Variants in GID8 observed in about 807,000 individuals in gnomAD.
GID8 encodes glucose-induced degradation protein 8 homolog.
Under a neutral mutation model 27.4 loss-of-function variants are expected in GID8, and 6 were observed. The ratio of observed to expected loss-of-function variants is 0.22; its 90% CI spans 0.12 to 0.43. GID8 has a LOEUF of 0.43. Among genes scored for constraint, GID8 ranks in the 20% least tolerant of loss-of-function variants. GID8 has a pLI of 1.00. For missense variants in GID8, 173 were observed against 287.6 expected, an observed-to-expected ratio of 0.60 and a Z score of 2.88; for synonymous variants, 112 against 109.0, an observed-to-expected ratio of 1.03 and a Z score of -0.17.
Position 62,944,793 on chromosome 20 carries a change from C to T in GID8, c.568C>T (p.Pro190Ser). The change falls in exon 5 of 5, where the codon CCC becomes TCC. Residue 190 changes from proline to serine, a missense_variant. Transcript: ENST00000266069. ...VLDYENREST[P>S]KLAKLLKLLL... ...AGATTATGAAAATCGCGAGTCAACACCCAAACTGGCAAAATTACTGAAACT... is the reference window on the plus strand; with the variant it reads ...AGATTATGAAAATCGCGAGTCAACATCCAAACTGGCAAAATTACTGAAACT... 5 of 1,614,184 alleles carry T rather than the reference C, an allele frequency of 3.1e-6. No individual in the cohort carries two copies. Among genetic ancestry groups the T allele is most frequent in the Non-Finnish European group, 4.2e-6 (5 of 1,180,026 alleles).
At position 62,945,689 on chromosome 20, in the gene GID8, T is replaced by C; in HGVS notation, c.*777T>C. ...ATCATCTCAAATGACCTTTTGTCTTTGGGGCGTTCTTCCCCCTGTGATAGC... is the reference window on the plus strand; with the variant it reads ...ATCATCTCAAATGACCTTTTGTCTTCGGGGCGTTCTTCCCCCTGTGATAGC... On this transcript the variant is annotated 3_prime_UTR_variant, in exon 5 of 5. Transcript: ENST00000266069. 1 of 1,186,574 alleles carries C rather than the reference T, an allele frequency of 8.4e-7. No homozygotes were observed. The highest frequency in any genetic ancestry group is 1.1e-6 in the Non-Finnish European group (1 of 938,416). The allele number at this position is 1,186,574 out of a possible 1,614,324, so 73.5% of individuals were successfully genotyped here. A position where few individuals can be genotyped will look rare whatever the true frequency, so the allele number is the denominator to read the frequency against.
Position 62,947,020 on chromosome 20 carries a change from C to A in GID8, c.*2108C>A, listed in dbSNP as rs903641739. 2 of 152,376 alleles carry A rather than the reference C, an allele frequency of 1.3e-5. No individual in the cohort carries two copies. Among genetic ancestry groups the A allele is most frequent in the Admixed American group, 1.3e-4 (2 of 15,310 alleles). 9.4% of individuals were successfully genotyped at this position (152,376 alleles called of 1,614,324 possible). ...AGGGGAACACAAATGGGGTCATTCA[C>A]GTGCCTGGACTGTCACTATGTGGCT... On this transcript the variant is annotated 3_prime_UTR_variant, in exon 5 of 5. Coordinates refer to ENST00000266069, the MANE Select transcript of GID8 (RefSeq NM_017896.3).
In GID8 at chr20:62,943,800, C is replaced by A. The variant is rs2065454146; in HGVS notation, c.513+108C>A. The stretch of plus-strand genomic sequence containing the variant: ...GCTGTGTGGACTGAGAGACAGGTGG[C>A]TTCTGTGCCTGGGATGCTAAGTGGT... On this transcript the variant is annotated intron_variant, in intron 4 of 4. Coordinates refer to ENST00000266069, the MANE Select transcript of GID8 (RefSeq NM_017896.3). This position sits in a 1 kb window ranked among gnomAD's most constrained non-coding sequence, Gnocchi z 4.7. 3 of 770,792 alleles carry A rather than the reference C, an allele frequency of 3.9e-6. No homozygotes were observed. The highest frequency in any genetic ancestry group is 6.4e-6 in the Non-Finnish European group (3 of 466,436). The allele number at this position is 770,792 out of a possible 1,614,324, so 47.7% of individuals were successfully genotyped here.
Position 62,947,807 on chromosome 20 carries a change from G to C in GID8, c.*2895G>C, listed in dbSNP as rs1358333281. The C allele has an allele frequency of 6.6e-6, 1 of 152,256 alleles. No individual in the cohort carries two copies. Among genetic ancestry groups the C allele is most frequent in the Non-Finnish European group, 1.5e-5 (1 of 68,050 alleles). The allele number at this position is 152,256 out of a possible 1,614,324, so 9.4% of individuals were successfully genotyped here. ...CTTCCATTCCGTCAGGACGTGATCT[G>C]AAAACATGTAGAGAAGATGAGTTGA... On this transcript the variant is annotated 3_prime_UTR_variant, in exon 5 of 5. Transcript: ENST00000266069.
At chr20:62,941,132 G>A (rs1226187486) in intron 1 of GID8, among the ~76,000 whole-genome samples, 1 of 152,222 alleles carries the variant, frequency 6.6e-6, no homozygotes, top group East Asian at 1.9e-4. Context: ...CGCTTTGAAC[G>A]GTGCTTCTGT....
intron 1 of GID8, among the ~76,000 whole-genome samples, chr20:62,939,458 A>G (rs539625176): frequency 3.6e-5 from 5 of 139,088 alleles, no homozygotes; most frequent in African/African-American, 1.4e-4. Flanking sequence ...TCATGTTTTC[A>G]GCTCTGAGCT....
intron 1 of GID8, 124 bp from the exon 2 acceptor site, chr20:62,941,367 G>C: frequency 1.6e-6 from 1 of 624,224 alleles, no homozygotes; most frequent in Non-Finnish European, 2.9e-6. Context: ...GGTGTCCCAC[G>C]GCAGCGTTGT....
At chr20:62,939,887 A>G (rs909518024) in intron 1 of GID8, among the ~76,000 whole-genome samples, 2 of 152,320 alleles carry the variant, frequency 1.3e-5, no homozygotes, top group East Asian at 3.9e-4. Context: ...CGTATGTATC[A>G]GTGGCAAAAG....
Position 62,947,438 on chromosome 20 carries a change from C to T in GID8, c.*2526C>T, listed in dbSNP as rs2065471206. On this transcript the variant is annotated 3_prime_UTR_variant, in exon 5 of 5. Transcript: ENST00000266069. ...AATTCTACTTTGTCTCATTTTGGAT[C>T]TCACTGTTGTCTTTATAAAAATGGC... 1 of 152,534 alleles carries T rather than the reference C, an allele frequency of 6.6e-6. No individual in the cohort carries two copies. The allele number at this position is 152,534 out of a possible 1,614,324, so 9.4% of individuals were successfully genotyped here.
In GID8 at chr20:62,938,161, G is replaced by C. The variant is rs1433740900; in HGVS notation, c.-105G>C. The stretch of plus-strand genomic sequence containing the variant: ...CCCACCTCTGCCTCCTTCTACTCGG[G>C]CGCCCCGGCGGCCGCCACCTCTCCC... On this transcript the variant is annotated 5_prime_UTR_variant, in exon 1 of 5. Coordinates refer to ENST00000266069, the MANE Select transcript of GID8 (RefSeq NM_017896.3). 7.6e-6 allele frequency: 2 copies of C among 263,418 alleles called. No homozygotes were observed. The highest frequency in any genetic ancestry group is 7.2e-6 in the Non-Finnish European group (1 of 139,628). 16.3% of individuals were successfully genotyped at this position (263,418 alleles called of 1,614,324 possible).
At chr20:62,941,123 G>A (rs573147640) in intron 1 of GID8, among the ~76,000 whole-genome samples, 2 of 152,362 alleles carry the variant, frequency 1.3e-5, no homozygotes, top group Admixed American at 1.3e-4. Context: ...CATTCCTGCC[G>A]CTTTGAACGG....
chr20:62,946,567 T>C lies in GID8; in HGVS notation c.*1655T>C, dbSNP rs2065467366. ...GTAAGAGATGCAAAGATAAAATTGCTGCGGTTGTTACAGAAGCATGGCGGC... is the reference window on the plus strand; with the variant it reads ...GTAAGAGATGCAAAGATAAAATTGCCGCGGTTGTTACAGAAGCATGGCGGC... On this transcript the variant is annotated 3_prime_UTR_variant, in exon 5 of 5. Coordinates refer to ENST00000266069, the MANE Select transcript of GID8 (RefSeq NM_017896.3). 6.5e-6 allele frequency: 1 copy of C among 152,852 alleles called. No individual in the cohort carries two copies. Among genetic ancestry groups the C allele is most frequent in the Admixed American group, 6.5e-5 (1 of 15,354 alleles). 9.5% of individuals were successfully genotyped at this position (152,852 alleles called of 1,614,324 possible).
rs17421774 is a variant in GID8, at chr20:62,945,295, T to G, written c.*383T>G. ...GCACGAATCATGATTCTGCTTTCTG[T>G]TAGCTTAGGCAGACATTGGGCCTTC... On this transcript the variant is annotated 3_prime_UTR_variant, in exon 5 of 5. Transcript: ENST00000266069. The G allele has an allele frequency of 0.03, 30,224 of 1,007,966 alleles. 479 individuals carry two copies. Among genetic ancestry groups the G allele is most frequent in the African/African-American group, 0.035 (2,017 of 57,854 alleles). The allele number at this position is 1,007,966 out of a possible 1,614,324, so 62.4% of individuals were successfully genotyped here.
At chr20:62,944,685 T>C (rs1238197616) in intron 4 of GID8, 54 bp from the exon 5 acceptor site, 2 of 1,237,952 alleles carry the variant, frequency 1.6e-6, no homozygotes, top group Non-Finnish European at 2.4e-6. Flanking sequence ...TTTAATAGAC[T>C]CTGCTGGTGC....
At chr20:62,941,373 G>A (rs2065442874) in intron 1 of GID8, 118 bp from the exon 2 acceptor site, 2 of 639,718 alleles carry the variant, frequency 3.1e-6, no homozygotes, top group East Asian at 2.8e-5. Context: ...CCACGGCAGC[G>A]TTGTCTTTCC....
At chr20:62,942,128 T>A (rs1175970235) in intron 2 of GID8, among the ~76,000 whole-genome samples, 1 of 152,182 alleles carries the variant, frequency 6.6e-6, no homozygotes, top group Non-Finnish European at 1.5e-5. Context: ...CTCCTGTTAG[T>A]CCCCAGTTCC....
rs555031003 is a variant in GID8 at position 62,946,089 on chromosome 20, C to T, written c.*1177C>T. The stretch of plus-strand genomic sequence containing the variant: ...ACAGATGTGTTTGGATTCATTGCAG[C>T]GGACCACCGGGCACTGTTGACCCCA... On this transcript the variant is annotated 3_prime_UTR_variant, in exon 5 of 5. Coordinates refer to ENST00000266069, the MANE Select transcript of GID8 (RefSeq NM_017896.3). The T allele has an allele frequency of 1.2e-4, 135 of 1,152,342 alleles. No individual in the cohort carries two copies. Among genetic ancestry groups the T allele is most frequent in the African/African-American group, 3.9e-4 (25 of 63,392 alleles). The allele number at this position is 1,152,342 out of a possible 1,614,324, so 71.4% of individuals were successfully genotyped here. A position where few individuals can be genotyped will look rare whatever the true frequency, so the allele number is the denominator to read the frequency against.
Position 62,948,469 on chromosome 20 carries a change from C to T in GID8, c.*3557C>T, listed in dbSNP as rs2065475593. On this transcript the variant is annotated 3_prime_UTR_variant, in exon 5 of 5. Transcript: ENST00000266069. ...TAACAGTAAAAGTTTTCACATTTTT[C>T]TCAGAACTGTTATCTGGAAGCTCTC... 1 of 152,194 alleles carries T rather than the reference C, an allele frequency of 6.6e-6. No homozygotes were observed. Among genetic ancestry groups the T allele is most frequent in the Non-Finnish European group, 1.5e-5 (1 of 68,034 alleles). 9.4% of individuals were successfully genotyped at this position (152,194 alleles called of 1,614,324 possible).
In GID8 at chr20:62,945,020, C is replaced by T. The variant is rs1231849900; in HGVS notation, c.*108C>T. On this transcript the variant is annotated 3_prime_UTR_variant, in exon 5 of 5. Transcript: ENST00000266069. ...ACTGCAGTAGAGAACTCTTTTTCTCCCTTGTACTTTTTTTTGACCTGGCAT... is the reference window on the plus strand; with the variant it reads ...ACTGCAGTAGAGAACTCTTTTTCTCTCTTGTACTTTTTTTTGACCTGGCAT... 1.4e-6 allele frequency: 2 copies of T among 1,444,842 alleles called. No homozygotes were observed. The highest frequency in any genetic ancestry group is 1.4e-5 in the African/African-American group (1 of 69,664). 89.5% of individuals were successfully genotyped at this position (1,444,842 alleles called of 1,614,324 possible).
Sources: gnomAD v4.1 joint callset for allele counts (sites outside exome capture counted in the v4.1 genomes callset) on GRCh38, gnomAD v4.1.1 for gene constraint, Gnocchi (gnomAD v3.1) non-coding constraint, MANE v1.5 for transcripts, NCBI Gene and HGNC (gene_info 2026-07-23, HGNC 2026-07-21) for gene names.